PLA2G4A: variants seen among roughly 807,000 people sequenced by gnomAD.
PLA2G4A encodes the protein cytosolic phospholipase A2.
In PLA2G4A, 40 loss-of-function variants were observed where a neutral mutation model predicts 81.9. The observed-to-expected ratio is 0.49, with a 90% CI of 0.38 to 0.64. The LOEUF is 0.64. Ranked by LOEUF, PLA2G4A falls within the 30% of genes least tolerant of loss-of-function variation. The pLI, the probability that PLA2G4A is intolerant of heterozygous loss-of-function variation, is 0.00. For synonymous variants in PLA2G4A, 302 were observed against 296.9 expected (o/e 1.02, Z -0.18); for missense variants, 715 against 905.1 (o/e 0.79, Z 2.69).
intron 10 of PLA2G4A, among the ~76,000 whole-genome samples, chr1:186,941,707 C>T (rs73049073): frequency 3.3e-5 from 5 of 152,088 alleles, no homozygotes; most frequent in African/African-American, 9.7e-5. Flanking sequence ...GTCTGCCGGG[C>T]GCTAAGGATG....
rs1657974493 is a variant in PLA2G4A at position 186,988,706 on chromosome 1, A to G, written c.*198A>G. Reference sequence around the variant, plus strand: ...CAAATGATGTTGATTATGTAAGGATATACTTAGCTACATTTTCAGTCAGTA... The same window carrying G: ...CAAATGATGTTGATTATGTAAGGATGTACTTAGCTACATTTTCAGTCAGTA... On this transcript the variant is annotated 3_prime_UTR_variant, in exon 18 of 18. Coordinates refer to ENST00000367466, the MANE Select transcript of PLA2G4A (RefSeq NM_024420.3). 4.2e-6 allele frequency: 2 copies of G among 474,012 alleles called. No homozygotes were observed. Among genetic ancestry groups the G allele is most frequent in the Non-Finnish European group, 7.8e-6 (2 of 254,924 alleles). The allele number at this position is 474,012 out of a possible 1,614,324, so 29.4% of individuals were successfully genotyped here. A position where few individuals can be genotyped will look rare whatever the true frequency, so the allele number is the denominator to read the frequency against.
chr1:186,925,266 C>T (rs1655507378), intron 7 of PLA2G4A, among the ~76,000 whole-genome samples: 1 of 152,124 alleles, frequency 6.6e-6, no homozygotes, highest in African/African-American at 2.4e-5. Flanking sequence ...TCTTTCTGTG[C>T]CTTGTATAGA....
rs1350613131 is a variant in PLA2G4A at position 186,860,963 on chromosome 1, G to T, written c.33+6576G>T. ...AGTATAGTATAGCTGATTAATGGAT[G>T]GGTTTATTTCTGTGCCTGTTGATTA... On this transcript the variant is annotated intron_variant, in intron 2 of 17. Transcript: ENST00000367466. 8.5e-5 allele frequency among the ~76,000 whole-genome samples: 13 copies of T among 152,204 alleles called. No homozygotes were observed. In the East Asian group the frequency reaches 2.5e-3, roughly 29 times the overall value.
chr1:186,871,945 A>G (rs1376340812), intron 3 of PLA2G4A, among the ~76,000 whole-genome samples: 1 of 152,112 alleles, frequency 6.6e-6, no homozygotes, highest in Non-Finnish European at 1.5e-5. Context: ...GTTAGATACT[A>G]AGAAAAGAAA....
intron 2 of PLA2G4A, among the ~76,000 whole-genome samples, chr1:186,866,568 T>TA (rs1165302235): frequency 6.6e-6 from 1 of 152,126 alleles, no homozygotes; most frequent in Non-Finnish European, 1.5e-5. Context: ...GTCCTTATAA[T>TA]AAAAACAATC....
intron 2 of PLA2G4A, among the ~76,000 whole-genome samples, chr1:186,856,103 C>T (rs1489347672): frequency 1.3e-5 from 2 of 151,918 alleles, no homozygotes; most frequent in Non-Finnish European, 1.5e-5. Flanking sequence ...TGTACACGCA[C>T]ATGCACACAA....
intron 1 of PLA2G4A, among the ~76,000 whole-genome samples, chr1:186,832,834 T>A (rs1291212791): frequency 3.3e-5 from 5 of 152,210 alleles, no homozygotes; most frequent in African/African-American, 2.4e-5. Flanking sequence ...ACAATATAGA[T>A]GAAATTTTGA....
intron 7 of PLA2G4A, among the ~76,000 whole-genome samples, chr1:186,929,543 T>G (rs1357781630): frequency 6.6e-6 from 1 of 152,206 alleles, no homozygotes; most frequent in Non-Finnish European, 1.5e-5. Flanking sequence ...AAGATCAATA[T>G]TCTTATATAT....
At chr1:186,862,961 A>G (rs1652871043) in intron 2 of PLA2G4A, among the ~76,000 whole-genome samples, 1 of 152,164 alleles carries the variant, frequency 6.6e-6, no homozygotes, top group Non-Finnish European at 1.5e-5. Context: ...GATGCTATAG[A>G]TATTTAGTTA....
At chr1:186,940,295 A>G (rs956159656) in intron 10 of PLA2G4A, among the ~76,000 whole-genome samples, 2 of 152,254 alleles carry the variant, frequency 1.3e-5, no homozygotes, top group African/African-American at 2.4e-5. Context: ...CTAGTAACTA[A>G]TGTATTTTCA....
intron 3 of PLA2G4A, among the ~76,000 whole-genome samples, chr1:186,887,756 A>G (rs969630965): frequency 6.6e-6 from 1 of 152,132 alleles, no homozygotes; most frequent in Non-Finnish European, 1.5e-5. Flanking sequence ...CATTCCTTGA[A>G]ACTTCTCTAA....
rs889664857 is a variant in PLA2G4A at position 186,940,094 on chromosome 1, G to C, written c.1033G>C (p.Asp345His). ...TGACGTTTCAGAGCTGATGTTTGCA[G>C]GTATGCTGTTTCCTTTCTCAGAACA... ...KPDVSELMFA[D>H]WVEFSPYEIG... The change falls in exon 10 of 18, where the codon GAT (aspartate) becomes CAT (histidine). Residue 345 changes from aspartate to histidine, a missense_variant and splice_region_variant. Coordinates refer to ENST00000367466, the MANE Select transcript of PLA2G4A (RefSeq NM_024420.3). 2 of 1,523,884 alleles carry C rather than the reference G, an allele frequency of 1.3e-6. No individual in the cohort carries two copies. The highest frequency in any genetic ancestry group is 1.1e-5 in the South Asian group (1 of 89,304). 94.4% of individuals were successfully genotyped at this position (1,523,884 alleles called of 1,614,324 possible). A position where few individuals can be genotyped will look rare whatever the true frequency, so the allele number is the denominator to read the frequency against.
chr1:186,887,116 T>C (rs12749354), intron 3 of PLA2G4A, among the ~76,000 whole-genome samples: 26,474 of 152,124 alleles, frequency 0.17, 2,413 homozygotes, highest in South Asian at 0.24. Flanking sequence ...CTCACTGTCA[T>C]TGAACCATAG....
intron 10 of PLA2G4A, among the ~76,000 whole-genome samples, chr1:186,944,131 G>A (rs2207209): frequency 0.37 from 55,716 of 151,974 alleles, 12,293 homozygotes; most frequent in Non-Finnish European, 0.49. Context: ...AAGCTGGCCC[G>A]GGAAGAAGGG....
chr1:186,983,196 C>T (rs1370966255), intron 17 of PLA2G4A, among the ~76,000 whole-genome samples: 2 of 152,228 alleles, frequency 1.3e-5, no homozygotes, highest in African/African-American at 2.4e-5. Context: ...TTAGCTAACT[C>T]TCTCATTCCC....
intron 2 of PLA2G4A, among the ~76,000 whole-genome samples, chr1:186,867,124 G>A (rs1653062873): frequency 6.6e-6 from 1 of 151,960 alleles, no homozygotes; most frequent in Non-Finnish European, 1.5e-5. Flanking sequence ...AGTAAGTCTT[G>A]AAGTTGCATA....
chr1:186,985,561 A>G (rs970060904), intron 17 of PLA2G4A, among the ~76,000 whole-genome samples: 1 of 152,184 alleles, frequency 6.6e-6, no homozygotes, highest in African/African-American at 2.4e-5. Flanking sequence ...TGTTGTGATA[A>G]CTCAATATTT....
intron 10 of PLA2G4A, among the ~76,000 whole-genome samples, chr1:186,942,103 G>A (rs1257977163): frequency 6.6e-6 from 1 of 152,132 alleles, no homozygotes; most frequent in Non-Finnish European, 1.5e-5. Flanking sequence ...ATTGTGGAAG[G>A]GGGCATGTAG....
chr1:186,834,651 T>C (rs1160549578), intron 1 of PLA2G4A, among the ~76,000 whole-genome samples: 2 of 152,172 alleles, frequency 1.3e-5, no homozygotes, highest in Non-Finnish European at 2.9e-5. Flanking sequence ...AACTACATAG[T>C]ACTTTGTACA....
Sources: allele counts gnomAD v4.1 joint callset (sites outside exome capture counted in the v4.1 genomes callset), GRCh38; gene constraint gnomAD v4.1.1; transcripts MANE v1.5; gene names NCBI Gene and HGNC (gene_info 2026-07-23, HGNC 2026-07-21).